RAB30: variants seen among roughly 807,000 people sequenced by gnomAD.
RAB30 encodes the protein ras-related protein Rab-30.
In RAB30, 9 loss-of-function variants were observed where a neutral mutation model predicts 25.1. The ratio of observed to expected loss-of-function variants is 0.36; its 90% CI spans 0.22 to 0.63. The LOEUF is 0.63. RAB30 is among the 20% of genes least tolerant of loss of function. RAB30 has a pLI of 0.69. For synonymous variants in RAB30, 77 were observed against 86.4 expected, an observed-to-expected ratio of 0.89 and a Z score of 0.60; for missense variants, 140 against 243.5, an observed-to-expected ratio of 0.58 and a Z score of 2.83.
intron 1 of RAB30, among the ~76,000 whole-genome samples, chr11:83,052,911 G>C (rs745427404): frequency 6.6e-6 from 1 of 152,072 alleles, no homozygotes; most frequent in Non-Finnish European, 1.5e-5. Flanking sequence ...ACATTGACTG[G>C]GAAAAGAGAC....
At chr11:82,997,428 T>C (rs1272730822) in intron 1 of RAB30, 104 bp from the exon 2 acceptor site, 2 of 791,740 alleles carry the variant, frequency 2.5e-6, no homozygotes, top group East Asian at 5.2e-5. Context: ...CTGACTCATT[T>C]AAAGAGCAAT....
At chr11:83,013,762 A>G (rs1857355267) in intron 1 of RAB30, among the ~76,000 whole-genome samples, 1 of 152,242 alleles carries the variant, frequency 6.6e-6, no homozygotes, top group African/African-American at 2.4e-5. Flanking sequence ...ATACTGCAGG[A>G]GATCCAGACT....
intron 1 of RAB30, among the ~76,000 whole-genome samples, chr11:83,020,359 TG>T (rs1251997523): frequency 6.6e-6 from 1 of 152,222 alleles, no homozygotes; most frequent in Non-Finnish European, 1.5e-5. Context: ...TGTCACAGCC[TG>T]GCTGGGTGTG....
intron 1 of RAB30, among the ~76,000 whole-genome samples, chr11:83,041,894 T>C (rs1858125517): frequency 6.6e-6 from 1 of 151,616 alleles, no homozygotes; most frequent in Admixed American, 6.6e-5. Context: ...ATACAAAAAT[T>C]AGACAGGTGT....
chr11:83,033,457 T>C (rs1590866382), intron 1 of RAB30, among the ~76,000 whole-genome samples: 1 of 152,108 alleles, frequency 6.6e-6, no homozygotes, highest in Non-Finnish European at 1.5e-5. Context: ...CAAGCTAGAG[T>C]GACAGGTCAA....
At chr11:82,982,446 C>A in intron 4 of RAB30, 31 bp from the exon 5 acceptor site, 1 of 1,600,218 alleles carries the variant, frequency 6.2e-7, no homozygotes, top group South Asian at 1.1e-5. Flanking sequence ...AATAAAGAAT[C>A]AGCATTTGAC....
rs543474524 is a variant in RAB30 at position 83,013,247 on chromosome 11, C to T, written c.-8-15923G>A. Among the ~76,000 whole-genome samples the T allele has an allele frequency of 2.0e-4, 30 of 152,150 alleles. 1 individual carries two copies. Among genetic ancestry groups the T allele is most frequent in the African/African-American group, 6.3e-4 (26 of 41,502 alleles). On this transcript the variant is annotated intron_variant, in intron 1 of 4. Transcript: ENST00000527633. ...TATAGGCATGCACTACCATGCCTGGCTAATTTTTGTATTTTTAGTAGAGAC... is the reference window on the plus strand; with the variant it reads ...TATAGGCATGCACTACCATGCCTGGTTAATTTTTGTATTTTTAGTAGAGAC...
chr11:83,071,895 A>C lies in RAB30; in HGVS notation c.-213T>G. 1 of 391,316 alleles carries C rather than the reference A, an allele frequency of 2.6e-6. No homozygotes were observed. The highest frequency in any genetic ancestry group is 4.5e-6 in the Non-Finnish European group (1 of 222,002). 24.2% of individuals were successfully genotyped at this position (391,316 alleles called of 1,614,324 possible). ...GCAGGGGGTGGAGAGACCGTAGCAC[A>C]ATGAATGCAGTGGGGCTTTTGCAAT... On this transcript the variant is annotated 5_prime_UTR_variant, in exon 1 of 5. In the 5' UTR this introduces an upstream ATG that the reference lacks. Transcript: ENST00000527633.
At chr11:83,008,093 G>T (rs1857224818) in intron 1 of RAB30, among the ~76,000 whole-genome samples, 1 of 152,166 alleles carries the variant, frequency 6.6e-6, no homozygotes, top group Admixed American at 6.5e-5. Flanking sequence ...TGCTTGGCTG[G>T]ACCGGAAGAA....
chr11:83,049,003 T>G (rs1398780238), intron 1 of RAB30, among the ~76,000 whole-genome samples: 2 of 152,146 alleles, frequency 1.3e-5, no homozygotes, highest in Non-Finnish European at 2.9e-5. Flanking sequence ...AAAAGAAACT[T>G]TTTAAAGTAG....
At position 82,982,093 on chromosome 11, in the gene RAB30, G is replaced by A. The variant is rs1016642278; in HGVS notation, c.*72C>T. On this transcript the variant is annotated 3_prime_UTR_variant, in exon 5 of 5. Coordinates refer to ENST00000527633, the MANE Select transcript of RAB30 (RefSeq NM_001286060.2). ...TCAGAGAGCGGGAGCCACAGTCATC[G>A]CCAGATCTCCCCAGCATCTCATGGC... 5.0e-6 allele frequency: 8 copies of A among 1,586,836 alleles called. No homozygotes were observed. The highest frequency in any genetic ancestry group is 4.0e-5 in the African/African-American group (3 of 74,344).
At position 82,982,046 on chromosome 11, in the gene RAB30, GGAGCCCAC is replaced by G. The variant is rs1382687207; in HGVS notation, c.*111_*118del. On this transcript the variant is annotated 3_prime_UTR_variant, in exon 5 of 5. Coordinates refer to ENST00000527633, the MANE Select transcript of RAB30 (RefSeq NM_001286060.2). ...TGGCCTGCCATGCTTTGTAAGCTCA[GGAGCCCAC>G]AGGAGTCAGAAGGTCAGAGAGCGGG... 6 of 1,383,444 alleles carry G rather than the reference GGAGCCCAC, an allele frequency of 4.3e-6. No individual in the cohort carries two copies. Among genetic ancestry groups the G allele is most frequent in the East Asian group, 2.3e-5 (1 of 43,528 alleles). The allele number at this position is 1,383,444 out of a possible 1,614,324, so 85.7% of individuals were successfully genotyped here.
chr11:82,998,693 T>C (rs1857012251), intron 1 of RAB30, among the ~76,000 whole-genome samples: 1 of 146,928 alleles, frequency 6.8e-6, no homozygotes, highest in Admixed American at 6.8e-5. Flanking sequence ...AAGACCAACA[T>C]GAGAAAAGTT....
At chr11:83,068,372 C>T (rs573290820) in intron 1 of RAB30, among the ~76,000 whole-genome samples, 18 of 152,246 alleles carry the variant, frequency 1.2e-4, no homozygotes, top group African/African-American at 4.1e-4. Context: ...ACCATCATCC[C>T]TCATACAGAC....
At chr11:83,023,770 T>G (rs1334766965) in intron 1 of RAB30, among the ~76,000 whole-genome samples, 1 of 152,180 alleles carries the variant, frequency 6.6e-6, no homozygotes, top group Non-Finnish European at 1.5e-5. Flanking sequence ...CTCACCAAAC[T>G]CACATTTTAT....
At chr11:82,988,953 G>A (rs1856795028) in intron 3 of RAB30, among the ~76,000 whole-genome samples, 1 of 130,222 alleles carries the variant, frequency 7.7e-6, no homozygotes, top group Admixed American at 9.9e-5. Flanking sequence ...CATGGCACCT[G>A]ACATGCCTGA....
At position 82,976,516 on chromosome 11, in the gene RAB30, G is replaced by A. The variant is rs983359074; in HGVS notation, c.*5649C>T. The A allele has an allele frequency of 6.6e-6, 1 of 151,938 alleles. No homozygotes were observed. Among genetic ancestry groups the A allele is most frequent in the Non-Finnish European group, 1.5e-5 (1 of 67,992 alleles). 9.4% of individuals were successfully genotyped at this position (151,938 alleles called of 1,614,324 possible). A position where few individuals can be genotyped will look rare whatever the true frequency, so the allele number is the denominator to read the frequency against. On this transcript the variant is annotated 3_prime_UTR_variant, in exon 5 of 5. Coordinates refer to ENST00000527633, the MANE Select transcript of RAB30 (RefSeq NM_001286060.2). ...AGTGTCAAAGTCAGCAACCACCACC[G>A]ATTCCGTCAGGAACTAGAACACAGC...
intron 1 of RAB30, chr11:83,038,761 C>G (rs1380411051): frequency 6.6e-6 from 1 of 151,514 alleles, no homozygotes; most frequent in Non-Finnish European, 1.5e-5. Flanking sequence ...GCAGAGTTTG[C>G]AGTGAGCCAA....
At chr11:82,985,008 C>T (rs370403130) in intron 4 of RAB30, among the ~76,000 whole-genome samples, 39 of 152,194 alleles carry the variant, frequency 2.6e-4, no homozygotes, top group African/African-American at 7.0e-4. Flanking sequence ...GACAGAGTCT[C>T]GCTCTGTTGC....
Sources: allele counts gnomAD v4.1 joint callset (sites outside exome capture counted in the v4.1 genomes callset), GRCh38; gene constraint gnomAD v4.1.1; transcripts MANE v1.5; gene names NCBI Gene and HGNC (gene_info 2026-07-23, HGNC 2026-07-21).